DGKI: variants seen among roughly 807,000 people sequenced by gnomAD.
DGKI encodes DAG kinase iota.
DGKI carries 55 observed loss-of-function variants against 147.5 expected under a neutral mutation model. The observed-to-expected ratio is 0.37, with a 90% confidence interval of 0.30 to 0.47. DGKI has a LOEUF of 0.47. Ranked by LOEUF, DGKI falls within the 20% of genes least tolerant of loss-of-function variation. The probability of loss-of-function intolerance (pLI) is 1.00; values close to 1 mark genes in which losing one functional copy is unlikely to be tolerated. For synonymous variants in DGKI, 469 were observed against 477.1 expected (o/e 0.98, Z 0.22); for missense variants, 1,007 against 1,323.8 (o/e 0.76, Z 3.71).
chr7:137,557,624 C>T (rs1400076589), intron 19 of DGKI, among the ~76,000 whole-genome samples: 1 of 152,168 alleles, frequency 6.6e-6, no homozygotes, highest in East Asian at 1.9e-4. Context: ...GTAAGTATTT[C>T]TTCCCATCTC....
In DGKI at chr7:137,623,482, C is replaced by T; in HGVS notation, c.876+1G>A. 1.9e-6 allele frequency: 3 copies of T among 1,613,472 alleles called. No individual in the cohort carries two copies. Among genetic ancestry groups the T allele is most frequent in the Non-Finnish European group, 2.5e-6 (3 of 1,179,440 alleles). ...ATTGCTTTATTTCATCCCAATCTTACCGCCTGCTTGCACCAGGAACAGCTG... is the reference window on the plus strand; with the variant it reads ...ATTGCTTTATTTCATCCCAATCTTATCGCCTGCTTGCACCAGGAACAGCTG... On this transcript the variant is annotated splice_donor_variant, in intron 7 of 32. Transcript: ENST00000614521. LOFTEE classifies it high-confidence loss of function.
chr7:137,413,606 A>C (rs1812248015), intron 28 of DGKI, among the ~76,000 whole-genome samples: 1 of 152,218 alleles, frequency 6.6e-6, no homozygotes, highest in Non-Finnish European at 1.5e-5. Context: ...GTTACAAAGG[A>C]CATGATTTCA....
At chr7:137,393,199 T>C (rs1168524138) in intron 32 of DGKI, among the ~76,000 whole-genome samples, 4 of 146,478 alleles carry the variant, frequency 2.7e-5, no homozygotes, top group African/African-American at 9.9e-5. Flanking sequence ...GTGAGGGGTT[T>C]ATAATTATAA....
At chr7:137,415,050 G>A (rs746862318) in intron 28 of DGKI, among the ~76,000 whole-genome samples, 2 of 152,122 alleles carry the variant, frequency 1.3e-5, no homozygotes, top group Non-Finnish European at 2.9e-5. Context: ...CTACCAATAA[G>A]GGTAAAATTG....
At chr7:137,542,644 T>C (rs1817741145) in intron 20 of DGKI, among the ~76,000 whole-genome samples, 1 of 152,182 alleles carries the variant, frequency 6.6e-6, no homozygotes, top group South Asian at 2.1e-4. Context: ...GGCAGCTCTT[T>C]TGGGGTGACT....
intron 1 of DGKI, among the ~76,000 whole-genome samples, chr7:137,768,651 GCCTC>G (rs1197741920): frequency 6.6e-6 from 1 of 152,172 alleles, no homozygotes; most frequent in Non-Finnish European, 1.5e-5. Context: ...ATCACGCTGT[GCCTC>G]ATTACATAAG....
At chr7:137,472,452 GTATATATTATATGTTATATATACA>G (rs1815018476) in intron 23 of DGKI, among the ~76,000 whole-genome samples, 1 of 92,860 alleles carries the variant, frequency 1.1e-5, no homozygotes, top group African/African-American at 4.1e-5. Context: ...ATATATAAAC[GTATATATTATATGTTATATATACA>G]TATATATTAT....
chr7:137,519,946 C>T (rs902707971), intron 21 of DGKI, among the ~76,000 whole-genome samples: 2 of 151,970 alleles, frequency 1.3e-5, no homozygotes, highest in Non-Finnish European at 2.9e-5. Flanking sequence ...TATATGTGTT[C>T]TTTGGGGTCC....
At chr7:137,511,338 C>A (rs1241382128) in intron 21 of DGKI, among the ~76,000 whole-genome samples, 1 of 152,224 alleles carries the variant, frequency 6.6e-6, no homozygotes, top group Non-Finnish European at 1.5e-5. Flanking sequence ...CAGGTTTCCA[C>A]TTTTAATTAC....
chr7:137,665,081 T>G (rs10235994), intron 3 of DGKI, among the ~76,000 whole-genome samples: 26,150 of 152,032 alleles, frequency 0.17, 6,782 homozygotes, highest in African/African-American at 0.57. Context: ...GGGCCAGTGT[T>G]GGGGAGTAGA....
At chr7:137,695,231 C>T (rs1340692945) in intron 1 of DGKI, among the ~76,000 whole-genome samples, 1 of 152,196 alleles carries the variant, frequency 6.6e-6, no homozygotes, top group Non-Finnish European at 1.5e-5. Context: ...CACTGTTCCA[C>T]ACAGATGTGC....
intron 1 of DGKI, among the ~76,000 whole-genome samples, chr7:137,814,672 C>T (rs548608226): frequency 6.6e-6 from 1 of 152,108 alleles, no homozygotes; most frequent in Non-Finnish European, 1.5e-5. Context: ...TGAGCTGCTC[C>T]AAACAACCTG....
chr7:137,397,504 TG>T, intron 30 of DGKI, 91 bp from the exon 31 acceptor site: 1 of 1,297,562 alleles, frequency 7.7e-7, no homozygotes. Context: ...TAAAATGCCT[TG>T]GAAAGCTAAA....
At chr7:137,562,914 C>T (rs940538667) in intron 19 of DGKI, among the ~76,000 whole-genome samples, 1 of 151,938 alleles carries the variant, frequency 6.6e-6, no homozygotes, top group Non-Finnish European at 1.5e-5. Context: ...TCTCAGATTC[C>T]AAGGCCAGTA....
intron 10 of DGKI, 30 bp downstream of exon 10, chr7:137,608,936 C>T (rs781655952): frequency 1.7e-5 from 26 of 1,538,592 alleles, no homozygotes; most frequent in Non-Finnish European, 2.3e-5. Flanking sequence ...ATCAAAACTT[C>T]TAAGTTGAAA....
intron 23 of DGKI, among the ~76,000 whole-genome samples, chr7:137,470,620 T>G (rs956883275): frequency 1.3e-5 from 2 of 152,038 alleles, no homozygotes; most frequent in African/African-American, 4.8e-5. Flanking sequence ...CAGGCTGGAG[T>G]GCAGTGGTGT....
intron 21 of DGKI, among the ~76,000 whole-genome samples, chr7:137,517,189 AAAAGAAAAGAAAAGAAAAGT>A (rs1158509230): frequency 6.7e-6 from 1 of 150,098 alleles, no homozygotes; most frequent in Non-Finnish European, 1.5e-5. Flanking sequence ...GGTCATAAGA[AAAAGAAAAGAAAAGAAAAGT>A]AAAGAAAAGA....
At chr7:137,630,073 A>G (rs1821075584) in intron 6 of DGKI, among the ~76,000 whole-genome samples, 1 of 152,220 alleles carries the variant, frequency 6.6e-6, no homozygotes, top group African/African-American at 2.4e-5. Context: ...CAAGATCTTT[A>G]TAATTTCTGA....
chr7:137,825,364 C>T (rs1174856019), intron 1 of DGKI, among the ~76,000 whole-genome samples: 1 of 152,074 alleles, frequency 6.6e-6, no homozygotes. Flanking sequence ...CACGTTATCC[C>T]ATGGCAGACG....
Sources: allele counts gnomAD v4.1 joint callset (sites outside exome capture counted in the v4.1 genomes callset), GRCh38; gene constraint gnomAD v4.1.1; transcripts MANE v1.5; gene names NCBI Gene and HGNC (gene_info 2026-07-23, HGNC 2026-07-21).